Variants in MAP4K3 observed in about 807,000 individuals in gnomAD.
MAP4K3 encodes mitogen-activated protein kinase kinase kinase kinase 3, also known as MAPK/ERK kinase kinase kinase 3.
In MAP4K3, 94 loss-of-function variants were observed where a neutral mutation model predicts 143.5. The observed-to-expected ratio is 0.65, with a 90% CI of 0.55 to 0.78. The LOEUF (loss-of-function observed/expected upper bound fraction) is 0.78, where lower values mean the gene tolerates loss of function less well. Ranked by LOEUF, MAP4K3 falls within the 30% of genes least tolerant of loss-of-function variation. The pLI is 0.00. For synonymous variants in MAP4K3, 416 were observed against 347.2 expected (o/e 1.20, Z -2.20); for missense variants, 1,077 against 1,068.1 (o/e 1.01, Z -0.12).
chr2:39,430,524 T>C (rs1318101159), intron 1 of MAP4K3, among the ~76,000 whole-genome samples: 1 of 151,738 alleles, frequency 6.6e-6, no homozygotes, highest in East Asian at 1.9e-4. Context: ...TATGAAAAAA[T>C]AAATAAAAAT....
chr2:39,351,723 T>C (rs7604047), intron 3 of MAP4K3, among the ~76,000 whole-genome samples: 134,020 of 152,224 alleles, frequency 0.88, 59,205 homozygotes, highest in Non-Finnish European at 0.91. Context: ...GGCTGGAGTG[T>C]AGTGGAGTGA....
At chr2:39,324,672 T>A (rs928637273) in intron 12 of MAP4K3, among the ~76,000 whole-genome samples, 1 of 152,154 alleles carries the variant, frequency 6.6e-6, no homozygotes, top group Non-Finnish European at 1.5e-5. Context: ...TTTAAGGGCC[T>A]CCCATAAAGC....
intron 1 of MAP4K3, among the ~76,000 whole-genome samples, chr2:39,381,072 A>C (rs943283415): frequency 4.1e-4 from 62 of 152,168 alleles, no homozygotes; most frequent in African/African-American, 1.5e-3. Flanking sequence ...CAAATAACAC[A>C]TGGTCCTTTG....
intron 1 of MAP4K3, among the ~76,000 whole-genome samples, chr2:39,424,621 G>A (rs1348810969): frequency 6.6e-6 from 1 of 151,962 alleles, no homozygotes; most frequent in Non-Finnish European, 1.5e-5. Context: ...CCTGAGCCCA[G>A]GAGTTTGATA....
At chr2:39,382,167 T>C (rs1666371137) in intron 1 of MAP4K3, among the ~76,000 whole-genome samples, 2 of 152,262 alleles carry the variant, frequency 1.3e-5, no homozygotes, top group South Asian at 2.1e-4. Flanking sequence ...ACGCAGATTG[T>C]GGAATTATCT....
chr2:39,288,018 T>A (rs1049919348), intron 20 of MAP4K3, 103 bp downstream of exon 20: 21 of 1,401,080 alleles, frequency 1.5e-5, no homozygotes, highest in Non-Finnish European at 2.0e-5. Flanking sequence ...TTTCCTTCTG[T>A]CCTCCACCAA....
chr2:39,301,893 T>C (rs1558633421), intron 15 of MAP4K3, among the ~76,000 whole-genome samples: 1 of 151,702 alleles, frequency 6.6e-6, no homozygotes, highest in Non-Finnish European at 1.5e-5. Flanking sequence ...GCGTGGTGGC[T>C]CGCGCCTGTA....
chr2:39,258,723 G>A (rs1680444321), intron 29 of MAP4K3, 136 bp from the exon 30 acceptor site: 1 of 695,500 alleles, frequency 1.4e-6, no homozygotes, highest in Non-Finnish European at 2.5e-6. Context: ...TAGTGACTGA[G>A]CCAGGCTAGT....
rs199527374 is a variant in MAP4K3 at position 39,384,780 on chromosome 2, A to C, written c.97-6657T>G. On this transcript the variant is annotated intron_variant, in intron 1 of 33. Transcript: ENST00000263881. ...AGTTTTTAATTTTTTTAACTACCAGACAATAAAATGGATTTTTAAAGATAC... is the reference window on the plus strand; with the variant it reads ...AGTTTTTAATTTTTTTAACTACCAGCCAATAAAATGGATTTTTAAAGATAC... Among the ~76,000 whole-genome samples, 40 of 152,342 alleles carry C rather than the reference A, an allele frequency of 2.6e-4. No individual in the cohort carries two copies. The East Asian group carries it at 7.7e-3, about 29-fold the overall frequency.
intron 1 of MAP4K3, among the ~76,000 whole-genome samples, chr2:39,424,830 C>CAAAAAAAAA (rs58960920): frequency 2.9e-5 from 2 of 68,194 alleles, no homozygotes; most frequent in Non-Finnish European, 2.8e-5. Context: ...TAACCTGACT[C>CAAAAAAAAA]AAAAAAAAAA....
intron 28 of MAP4K3, among the ~76,000 whole-genome samples, chr2:39,264,259 C>T (rs963896070): frequency 6.6e-6 from 1 of 152,174 alleles, no homozygotes; most frequent in African/African-American, 2.4e-5. Flanking sequence ...CTGCTTTAGA[C>T]AACTTATAAG....
At chr2:39,315,592 A>C in intron 12 of MAP4K3, 1 of 512,520 alleles carries the variant, frequency 2.0e-6, no homozygotes, top group Non-Finnish European at 3.5e-6. Flanking sequence ...ATTATCCACA[A>C]CATAAATTAT....
intron 8 of MAP4K3, among the ~76,000 whole-genome samples, chr2:39,331,562 T>C (rs1318230762): frequency 1.3e-5 from 2 of 152,102 alleles, no homozygotes. Context: ...GTTGAAAGAT[T>C]AATCACAATA....
intron 1 of MAP4K3, among the ~76,000 whole-genome samples, chr2:39,391,853 G>A (rs908107509): frequency 1.3e-5 from 2 of 151,940 alleles, no homozygotes; most frequent in Non-Finnish European, 2.9e-5. Flanking sequence ...TCGTAATCTC[G>A]CTGGTACAAA....
intron 1 of MAP4K3, chr2:39,379,812 G>A (rs1032301821): frequency 1.2e-5 from 2 of 168,710 alleles, no homozygotes; most frequent in African/African-American, 2.4e-5. Flanking sequence ...TGTGAACTCA[G>A]AAAGCTAGGA....
chr2:39,313,340 T>C (rs1311760555), intron 13 of MAP4K3, among the ~76,000 whole-genome samples: 4 of 152,134 alleles, frequency 2.6e-5, no homozygotes, highest in Non-Finnish European at 4.4e-5. Flanking sequence ...TAGTACCCAA[T>C]AGTTACTTTT....
rs72931112 is a variant in MAP4K3 at position 39,406,790 on chromosome 2, T to C, written c.97-28667A>G. 6.2e-3 allele frequency among the ~76,000 whole-genome samples: 943 copies of C among 152,142 alleles called. 9 individuals are homozygous for C. The highest frequency in any genetic ancestry group is 0.022 in the African/African-American group (900 of 41,494). On this transcript the variant is annotated intron_variant, in intron 1 of 33. Coordinates refer to ENST00000263881, the MANE Select transcript of MAP4K3 (RefSeq NM_003618.4). ...AGCAACAAGAAATCATCTGAAGGTA[T>C]AAAACTCACTGGTAACAGTACACAG...
At chr2:39,281,792 A>G (rs1009756664) in intron 22 of MAP4K3, among the ~76,000 whole-genome samples, 2 of 150,420 alleles carry the variant, frequency 1.3e-5, no homozygotes, top group African/African-American at 4.9e-5. Flanking sequence ...AAATTATTTT[A>G]AAATATTTAT....
chr2:39,301,981 G>C (rs936192035), intron 15 of MAP4K3, among the ~76,000 whole-genome samples: 6 of 151,492 alleles, frequency 4.0e-5, no homozygotes, highest in African/African-American at 1.5e-4. Flanking sequence ...CCAACATTGC[G>C]CCACTACACT....
Sources: gnomAD v4.1 joint callset for allele counts (sites outside exome capture counted in the v4.1 genomes callset) on GRCh38, gnomAD v4.1.1 for gene constraint, MANE v1.5 for transcripts, NCBI Gene and HGNC (gene_info 2026-07-23, HGNC 2026-07-21) for gene names.